MYO18B: variants seen among roughly 807,000 people sequenced by gnomAD.
The protein encoded by MYO18B is unconventional myosin-XVIIIb.
MYO18B carries 204 observed loss-of-function variants against 273.0 expected under a neutral mutation model. The ratio of observed to expected loss-of-function variants is 0.75; its 90% CI spans 0.67 to 0.84. MYO18B has a LOEUF of 0.84. MYO18B is among the 40% of genes least tolerant of loss of function. MYO18B has a pLI of 0.00. For missense variants in MYO18B, 3,212 were observed against 3,287.6 expected (o/e 0.98, Z 0.56); for synonymous variants, 1,330 against 1,305.7 (o/e 1.02, Z -0.40).
intron 34 of MYO18B, among the ~76,000 whole-genome samples, chr22:25,924,293 G>A (rs1020689394): frequency 2.0e-5 from 3 of 152,106 alleles, no homozygotes; most frequent in African/African-American, 7.2e-5. Flanking sequence ...TGAAGGAAGA[G>A]GGAGCTAACT....
intron 27 of MYO18B, among the ~76,000 whole-genome samples, chr22:25,894,479 C>T (rs2091747436): frequency 6.6e-6 from 1 of 152,180 alleles, no homozygotes; most frequent in African/African-American, 2.4e-5. Context: ...ATATTCCATT[C>T]TAATCAGTCA....
At chr22:25,888,089 C>A (rs919748007) in intron 25 of MYO18B, among the ~76,000 whole-genome samples, 1 of 152,082 alleles carries the variant, frequency 6.6e-6, no homozygotes, top group Non-Finnish European at 1.5e-5. Flanking sequence ...CAAATCTAAC[C>A]CCTTCAAATC....
rs1295296364 is a variant in MYO18B at position 26,030,950 on chromosome 22, G to A, written c.*520G>A. The A allele has an allele frequency of 2.5e-6, 1 of 398,342 alleles. No homozygotes were observed. The allele number at this position is 398,342 out of a possible 1,614,324, so 24.7% of individuals were successfully genotyped here. On this transcript the variant is annotated 3_prime_UTR_variant, in exon 44 of 44. Transcript: ENST00000335473. The stretch of plus-strand genomic sequence containing the variant: ...CTTTGCCAATTCATTTCTCTATCCT[G>A]TGTATGTATAAGTGTGTACAAGCAT...
At chr22:26,015,810 T>G (rs1184169251) in intron 42 of MYO18B, among the ~76,000 whole-genome samples, 2 of 152,186 alleles carry the variant, frequency 1.3e-5, no homozygotes, top group African/African-American at 4.8e-5. Flanking sequence ...AAAGTTTTTT[T>G]TCTTACTTTC....
intron 39 of MYO18B, among the ~76,000 whole-genome samples, chr22:25,962,210 C>T (rs1037829795): frequency 3.3e-5 from 5 of 152,188 alleles, no homozygotes; most frequent in African/African-American, 1.2e-4. Context: ...CCTGCCTATG[C>T]AAATTTCAAA....
At chr22:25,751,501 T>C (rs1366031738) in intron 1 of MYO18B, among the ~76,000 whole-genome samples, 1 of 152,166 alleles carries the variant, frequency 6.6e-6, no homozygotes, top group African/African-American at 2.4e-5. Flanking sequence ...CACCCACAGA[T>C]TGGTCCTCTC....
chr22:25,891,232 A>T (rs1335156116), intron 26 of MYO18B, 72 bp from the exon 27 acceptor site: 20 of 1,152,978 alleles, frequency 1.7e-5, no homozygotes, highest in South Asian at 1.7e-4. Flanking sequence ...CCTTGGAAGC[A>T]CTTCATGGGT....
the MYO18B span, among the ~76,000 whole-genome samples, chr22:26,046,969 G>C: frequency 1.3e-5 from 2 of 152,082 alleles, no homozygotes; most frequent in Non-Finnish European, 2.9e-5. Context: ...TCCTCCATGG[G>C]TTTGCCTCCA....
At chr22:25,764,309 C>A (rs1467713329) in intron 3 of MYO18B, among the ~76,000 whole-genome samples, 1 of 152,160 alleles carries the variant, frequency 6.6e-6, no homozygotes, top group Non-Finnish European at 1.5e-5. Flanking sequence ...GGAACCTGGG[C>A]AGGATGACAA....
In MYO18B at chr22:25,763,256, C is replaced by T. The variant is rs2086389807; in HGVS notation, c.65C>T (p.Pro22Leu). 6.2e-7 allele frequency: 1 copy of T among 1,610,820 alleles called. No homozygotes were observed. Among genetic ancestry groups the T allele is most frequent in the East Asian group, 2.2e-5 (1 of 44,828 alleles). ...QKIREEDKSP[P>L]PSSPPPLFSV... ...ATTCGGGAAGAGGACAAGAGCCCTC[C>T]ACCATCCTCGCCCCCTCCTCTTTTC... Residue 22 changes from proline to leucine, a missense_variant, in exon 3 of 44, where the codon CCA becomes CTA. Coordinates refer to ENST00000335473, the MANE Select transcript of MYO18B (RefSeq NM_032608.7).
At chr22:26,020,220 T>C (rs1457664828) in intron 42 of MYO18B, among the ~76,000 whole-genome samples, 1 of 152,180 alleles carries the variant, frequency 6.6e-6, no homozygotes, top group Non-Finnish European at 1.5e-5. Flanking sequence ...ATACGATACA[T>C]GCAGATATAG....
chr22:25,864,887 G>A (rs1035957584), intron 21 of MYO18B, among the ~76,000 whole-genome samples: 1 of 152,210 alleles, frequency 6.6e-6, no homozygotes, highest in East Asian at 1.9e-4. Context: ...GGCAATTCCA[G>A]TACATGGAAG....
rs747051051 is a variant in MYO18B at position 25,878,011 on chromosome 22, A to G, written c.4277A>G (p.Asn1426Ser). The change falls in exon 25 of 44, where the codon AAT becomes AGT. Residue 1426 changes from asparagine to serine, a missense_variant. Coordinates refer to ENST00000335473, the MANE Select transcript of MYO18B (RefSeq NM_032608.7). ...RKLEKSEKLR[N>S]ELRQNTDLLE... The stretch of plus-strand genomic sequence containing the variant: ...CTAGAAAAATCAGAGAAGTTGCGGA[A>G]TGAACTCCGGCAGAACACAGATCTG... The G allele has an allele frequency of 1.9e-6, 3 of 1,585,108 alleles. No homozygotes were observed. Among genetic ancestry groups the G allele is most frequent in the South Asian group, 1.2e-5 (1 of 86,120 alleles).
At chr22:26,050,921 A>G in the MYO18B span, among the ~76,000 whole-genome samples, 1 of 152,220 alleles carries the variant, frequency 6.6e-6, no homozygotes. Flanking sequence ...ATTGCTGGAA[A>G]GAGTTACAAG....
At chr22:25,869,470 AAAAG>A (rs1351606639) in intron 22 of MYO18B, among the ~76,000 whole-genome samples, 92 of 136,774 alleles carry the variant, frequency 6.7e-4, no homozygotes, top group South Asian at 1.6e-3. Flanking sequence ...AAAAAAAAAA[AAAAG>A]AAGGAAGGAA....
At chr22:25,921,922 A>G (rs1319904562) in intron 34 of MYO18B, among the ~76,000 whole-genome samples, 1 of 152,022 alleles carries the variant, frequency 6.6e-6, no homozygotes, top group East Asian at 1.9e-4. Flanking sequence ...TGCAAAACCA[A>G]TGCTTAACAA....
chr22:25,810,361 G>C (rs903029915), intron 12 of MYO18B, among the ~76,000 whole-genome samples: 1 of 149,394 alleles, frequency 6.7e-6, no homozygotes, highest in Non-Finnish European at 1.5e-5. Flanking sequence ...GCCTCCCAAA[G>C]TGCTGGGATT....
At chr22:25,796,025 T>A (rs2087892199) in intron 11 of MYO18B, among the ~76,000 whole-genome samples, 1 of 152,180 alleles carries the variant, frequency 6.6e-6, no homozygotes, top group African/African-American at 2.4e-5. Context: ...TTACAGTTCA[T>A]CACCCAAGTT....
intron 39 of MYO18B, among the ~76,000 whole-genome samples, chr22:25,961,619 T>A (rs969499001): frequency 1.3e-5 from 2 of 152,162 alleles, no homozygotes; most frequent in Non-Finnish European, 2.9e-5. Context: ...TATCCTGTTG[T>A]TTTTCAGTAG....
Sources: allele counts gnomAD v4.1 joint callset (sites outside exome capture counted in the v4.1 genomes callset), GRCh38; gene constraint gnomAD v4.1.1; transcripts MANE v1.5; gene names NCBI Gene and HGNC (gene_info 2026-07-23, HGNC 2026-07-21).